Variants in CACNA1C observed in about 807,000 individuals in gnomAD.
CACNA1C encodes calcium voltage-gated channel subunit alpha1 C, also known as voltage-dependent L-type calcium channel subunit alpha-1C.
In CACNA1C, 30 loss-of-function variants were observed where a neutral mutation model predicts 229.0. That is an observed-to-expected ratio of 0.13 (90% CI 0.10 to 0.18). The LOEUF is 0.18. Ranked by LOEUF, CACNA1C falls within the 10% of genes least tolerant of loss-of-function variation. The pLI is 1.00. For synonymous variants in CACNA1C, 1,114 were observed against 1,132.5 expected (o/e 0.98, Z 0.33); for missense variants, 1,658 against 2,845.0 (o/e 0.58, Z 9.49).
intron 3 of CACNA1C, among the ~76,000 whole-genome samples, chr12:2,420,116 T>TGTGTGTGTGTGTGTGTGTGTGTGG (rs2098962211): frequency 6.7e-6 from 1 of 149,204 alleles, no homozygotes; most frequent in African/African-American, 2.5e-5. Flanking sequence ...TGTGTGTGTG[T>TGTGTGTGTGTGTGTGTGTGTGTGG]GTGTGTGTGT....
At chr12:2,154,297 C>A (rs2095440285) in intron 3 of CACNA1C, among the ~76,000 whole-genome samples, 1 of 152,218 alleles carries the variant, frequency 6.6e-6, no homozygotes, top group South Asian at 2.1e-4. Flanking sequence ...GGATGGTACA[C>A]TTGGAAAGGC....
intron 37 of CACNA1C, 74 bp from the exon 38 acceptor site, chr12:2,668,859 C>T (rs923730761): frequency 1.0e-6 from 1 of 958,796 alleles, no homozygotes; most frequent in South Asian, 1.3e-5. Context: ...AACCATATCA[C>T]TCTGCCACGG....
intron 3 of CACNA1C, among the ~76,000 whole-genome samples, chr12:2,371,130 C>T (rs1013623852): frequency 2.0e-5 from 3 of 152,124 alleles, no homozygotes; most frequent in African/African-American, 7.2e-5. Flanking sequence ...AAAAATCAGA[C>T]TAATTCTGAG....
chr12:2,364,390 G>A (rs2097664977), intron 3 of CACNA1C, among the ~76,000 whole-genome samples: 1 of 152,166 alleles, frequency 6.6e-6, no homozygotes, highest in Non-Finnish European at 1.5e-5. Context: ...GGGAGAGGCT[G>A]GGAGTGGACC....
At chr12:2,100,466 C>CAA (rs1204435262) in intron 1 of CACNA1C, among the ~76,000 whole-genome samples, 1 of 42,458 alleles carries the variant, frequency 2.4e-5, no homozygotes, top group African/African-American at 7.8e-5. Context: ...GACTCCATCT[C>CAA]AAAAAAAAAA....
At chr12:1,978,682 T>C (rs1002993883) in intron 1 of CACNA1C, among the ~76,000 whole-genome samples, 1 of 152,140 alleles carries the variant, frequency 6.6e-6, no homozygotes, top group Non-Finnish European at 1.5e-5. Flanking sequence ...ACACCCCACT[T>C]CCACCACCAG....
At chr12:2,406,672 G>A (rs546485450) in intron 3 of CACNA1C, among the ~76,000 whole-genome samples, 19 of 152,228 alleles carry the variant, frequency 1.2e-4, no homozygotes, top group Admixed American at 3.9e-4. Flanking sequence ...GCATTTCCAC[G>A]GTTTCAAGCC....
intron 7 of CACNA1C, among the ~76,000 whole-genome samples, chr12:2,500,787 A>G (rs1949602958): frequency 6.6e-6 from 1 of 152,166 alleles, no homozygotes; most frequent in Admixed American, 6.5e-5. Flanking sequence ...GGGGTTCTGC[A>G]CGCGCTTCAG....
chr12:2,143,166 G>A (rs561467589), intron 3 of CACNA1C, among the ~76,000 whole-genome samples: 1 of 151,128 alleles, frequency 6.6e-6, no homozygotes, highest in South Asian at 2.1e-4. Context: ...AGTAGAGACG[G>A]GGTTTCACCA....
chr12:1,989,161 A>T (rs2038675884), intron 1 of CACNA1C, among the ~76,000 whole-genome samples: 1 of 152,082 alleles, frequency 6.6e-6, no homozygotes, highest in Admixed American at 6.5e-5. Flanking sequence ...AGGTGGGAAG[A>T]TCACTTGAGG....
chr12:2,240,495 G>T (rs1238905629), intron 3 of CACNA1C, among the ~76,000 whole-genome samples: 1 of 152,218 alleles, frequency 6.6e-6, no homozygotes, highest in African/African-American at 2.4e-5. Flanking sequence ...CACTGATAGG[G>T]CTCCAGGCAT....
chr12:2,518,348 C>G (rs2099802037), intron 9 of CACNA1C, among the ~76,000 whole-genome samples: 1 of 152,154 alleles, frequency 6.6e-6, no homozygotes, highest in African/African-American at 2.4e-5. Flanking sequence ...GTGGCTCACG[C>G]CTGTAATCCC....
intron 9 of CACNA1C, among the ~76,000 whole-genome samples, chr12:2,545,212 A>ATTTTTTTTTTATT (rs2099878879): frequency 7.6e-6 from 1 of 131,652 alleles, no homozygotes; most frequent in African/African-American, 2.8e-5. Flanking sequence ...CAAAACAATG[A>ATTTTTTTTTTATT]TTTTTTTTTT....
At chr12:2,553,982 T>A (rs561479937) in intron 10 of CACNA1C, among the ~76,000 whole-genome samples, 15 of 152,150 alleles carry the variant, frequency 9.9e-5, no homozygotes, top group Non-Finnish European at 2.1e-4. Flanking sequence ...AGACGCATTG[T>A]CAATGTGGAT....
chr12:2,613,416 C>T (rs2078869336), intron 29 of CACNA1C: 1 of 152,180 alleles, frequency 6.6e-6, no homozygotes, highest in South Asian at 2.1e-4. Flanking sequence ...ATCATTTTCC[C>T]ATGTCAAGTG....
chr12:2,313,930 C>T (rs938359041), intron 3 of CACNA1C, among the ~76,000 whole-genome samples: 30 of 152,324 alleles, frequency 2.0e-4, no homozygotes, highest in African/African-American at 6.7e-4. Flanking sequence ...CATCACCTGC[C>T]GCATGTTTTC....
chr12:2,352,842 C>A (rs780310220), intron 3 of CACNA1C, among the ~76,000 whole-genome samples: 10 of 152,156 alleles, frequency 6.6e-5, no homozygotes, highest in Non-Finnish European at 1.2e-4. Flanking sequence ...GCCCCTTTGA[C>A]CTCCAGTGTT....
intron 3 of CACNA1C, among the ~76,000 whole-genome samples, chr12:2,414,457 G>A (rs1294111833): frequency 6.6e-6 from 1 of 152,156 alleles, no homozygotes; most frequent in East Asian, 1.9e-4. Context: ...CCTGTGCTTA[G>A]TGGGAACAGA....
At chr12:2,352,678 G>A (rs1418829634) in intron 3 of CACNA1C, among the ~76,000 whole-genome samples, 1 of 146,434 alleles carries the variant, frequency 6.8e-6, no homozygotes, top group Non-Finnish European at 1.5e-5. Context: ...ACCTCTTGGT[G>A]GGGAGATGCT....
Sources: gnomAD v4.1 joint callset for allele counts (sites outside exome capture counted in the v4.1 genomes callset) on GRCh38, gnomAD v4.1.1 for gene constraint, MANE v1.5 for transcripts, NCBI Gene and HGNC (gene_info 2026-07-23, HGNC 2026-07-21) for gene names.